The following KCNS1 variants were observed in gnomAD, a reference collection of about 807,000 sequenced individuals.
KCNS1 encodes delayed-rectifier potassium channel regulatory subunit KCNS1.
Under a neutral mutation model 33.1 loss-of-function variants are expected in KCNS1, and 26 were observed. The observed-to-expected ratio is 0.79, with a 90% CI of 0.58 to 1.09. The LOEUF is 1.09. Ranked by LOEUF, KCNS1 falls within the 50% of genes least tolerant of loss-of-function variation. The pLI, the probability that KCNS1 is intolerant of heterozygous loss-of-function variation, is 0.00. For missense variants in KCNS1, 702 were observed against 752.4 expected, an observed-to-expected ratio of 0.93 and a Z score of 0.78; for synonymous variants, 299 against 338.8, an observed-to-expected ratio of 0.88 and a Z score of 1.29.
At chr20:45,095,428 A>C in intron 3 of KCNS1, 88 bp from the exon 4 acceptor site, 1 of 1,235,720 alleles carries the variant, frequency 8.1e-7, no homozygotes, top group East Asian at 2.5e-5. Context: ...CCCAGAGAGT[A>C]TAAAGGACAG....
chr20:45,092,389 CACAA>C lies in KCNS1; in HGVS notation c.*2477_*2480del, dbSNP rs1368229061. 1 of 152,158 alleles carries C rather than the reference CACAA, an allele frequency of 6.6e-6. No individual in the cohort carries two copies. Among genetic ancestry groups the C allele is most frequent in the African/African-American group, 2.4e-5 (1 of 41,414 alleles). The allele number at this position is 152,158 out of a possible 1,614,324, so 9.4% of individuals were successfully genotyped here. ...CGAGTTGTTGCTTTTCTGCCAGGAC[CACAA>C]ACAGCCTCATGGTAGGCTCAGGCCA... On this transcript the variant is annotated 3_prime_UTR_variant, in exon 4 of 4. Coordinates refer to ENST00000537075, the MANE Select transcript of KCNS1 (RefSeq NM_001322799.2).
chr20:45,100,368 T>C (rs1981352971), intron 1 of KCNS1: 1 of 152,220 alleles, frequency 6.6e-6, no homozygotes, highest in Non-Finnish European at 1.5e-5. Context: ...CCACCTGCAT[T>C]TGGCATCAAA....
At chr20:45,095,683 A>G (rs376432137) in intron 3 of KCNS1, among the ~76,000 whole-genome samples, 28 of 152,370 alleles carry the variant, frequency 1.8e-4, no homozygotes, top group African/African-American at 6.3e-4. Flanking sequence ...ACCATAGTTT[A>G]TATTCCACAA....
Position 45,094,714 on chromosome 20 carries a change from G to T in KCNS1, c.*156C>A, listed in dbSNP as rs1020537320. 12 of 693,856 alleles carry T rather than the reference G, an allele frequency of 1.7e-5. No individual in the cohort carries two copies. In the Admixed American group the frequency reaches 2.8e-4, roughly 16 times the overall value. The allele number at this position is 693,856 out of a possible 1,614,324, so 43.0% of individuals were successfully genotyped here. A position where few individuals can be genotyped will look rare whatever the true frequency, so the allele number is the denominator to read the frequency against. Reference sequence around the variant, plus strand: ...ATCTCACAGAATCTAGGGTAGCACTGTCCTGTCCTGGGCCTTTGGAGGAAG... The same window carrying T: ...ATCTCACAGAATCTAGGGTAGCACTTTCCTGTCCTGGGCCTTTGGAGGAAG... On this transcript the variant is annotated 3_prime_UTR_variant, in exon 4 of 4. Coordinates refer to ENST00000537075, the MANE Select transcript of KCNS1 (RefSeq NM_001322799.2).
chr20:45,098,612 C>A lies in KCNS1; in HGVS notation c.160G>T (p.Val54Leu). The change falls in exon 3 of 4, where the codon GTG becomes TTG. Residue 54 changes from valine to leucine, a missense_variant. Physicochemically the swap from Val to Leu is conservative, Grantham distance 32 (BLOSUM62 1). Transcript: ENST00000537075. The surrounding 1 kb of genome is among the most constrained non-coding windows in gnomAD (Gnocchi z 5.2). ...RWRRSDEALR[V>L]NVGGVRRQLS... ...TGCCGCCGCACGCCACCCACGTTCA[C>A]GCGCAGCGCCTCGTCGCTTCGCCGC... The A allele has an allele frequency of 2.1e-6, 3 of 1,461,870 alleles. No individual in the cohort carries two copies. The highest frequency in any genetic ancestry group is 2.7e-6 in the Non-Finnish European group (3 of 1,107,476). The allele number at this position is 1,461,870 out of a possible 1,614,324, so 90.6% of individuals were successfully genotyped here.
rs563271280 is a variant in KCNS1 at position 45,095,815 on chromosome 20, G to T, written c.1111-475C>A. Among the ~76,000 whole-genome samples, 101 of 152,328 alleles carry T rather than the reference G, an allele frequency of 6.6e-4. No homozygotes were observed. In the Middle Eastern group the frequency reaches 0.014, roughly 21 times the overall value. On this transcript the variant is annotated intron_variant, in intron 3 of 3. Coordinates refer to ENST00000537075, the MANE Select transcript of KCNS1 (RefSeq NM_001322799.2). ...CCACCCACAGAATTCACTTTCCTAT[G>T]GCTGTGTATGTTTGCTTTGTCCCTG...
rs771233494 is a variant in KCNS1 at position 45,094,853 on chromosome 20, G to A, written c.*17C>T. On this transcript the variant is annotated 3_prime_UTR_variant, in exon 4 of 4. Coordinates refer to ENST00000537075, the MANE Select transcript of KCNS1 (RefSeq NM_001322799.2). Reference sequence around the variant, plus strand: ...CTCTACTGTAGGGGCATGGCAGGGGGTCACGGATCCCTGGTTTTAATACAT... The same window carrying A: ...CTCTACTGTAGGGGCATGGCAGGGGATCACGGATCCCTGGTTTTAATACAT... 6.3e-7 allele frequency: 1 copy of A among 1,585,558 alleles called. No homozygotes were observed. The highest frequency in any genetic ancestry group is 1.7e-5 in the Admixed American group (1 of 58,092).
In KCNS1 at chr20:45,091,306, CAAGA is replaced by C. The variant is rs143139727; in HGVS notation, c.*3560_*3563del. On this transcript the variant is annotated 3_prime_UTR_variant, in exon 4 of 4. Coordinates refer to ENST00000537075, the MANE Select transcript of KCNS1 (RefSeq NM_001322799.2). ...ACGGTACCTTGCCCTCCATCCCTCC[CAAGA>C]GAGAGGCATATGACTCAAGTGAAAT... Among the ~76,000 whole-genome samples, 113 of 152,300 alleles carry C rather than the reference CAAGA, an allele frequency of 7.4e-4. No individual in the cohort carries two copies. The highest frequency in any genetic ancestry group is 2.6e-3 in the African/African-American group (109 of 41,566).
chr20:45,097,731 C>T lies in KCNS1; in HGVS notation c.1041G>A (p.Met347Ile). The T allele has an allele frequency of 6.2e-7, 1 of 1,612,562 alleles. No homozygotes were observed. ...LGKVVQVFRL[M>I]RIFRVLKLAR... is the part of the protein sequence containing the mutation. The stretch of plus-strand genomic sequence containing the variant: ...CCAACTTGAGTACGCGGAAGATGCG[C>T]ATGAGGCGGAACACCTGCACCACCT... The change falls in exon 3 of 4, where the codon ATG becomes ATA. Residue 347 changes from methionine (M) to isoleucine (I), a missense_variant. Met to Ile is a conservative substitution (Grantham distance 10, BLOSUM62 1). This residue lies in a region of KCNS1 where 253 missense variants were observed against 327.4 expected (regional missense o/e 0.77). Coordinates refer to ENST00000537075, the MANE Select transcript of KCNS1 (RefSeq NM_001322799.2).
chr20:45,095,725 G>T (rs1057275350), intron 3 of KCNS1, among the ~76,000 whole-genome samples: 2 of 152,154 alleles, frequency 1.3e-5, no homozygotes, highest in South Asian at 4.2e-4. Flanking sequence ...ACTTTTGACT[G>T]GTCTGAAAAG....
intron 1 of KCNS1, among the ~76,000 whole-genome samples, chr20:45,100,530 A>G (rs1338719491): frequency 6.6e-6 from 1 of 152,230 alleles, no homozygotes; most frequent in African/African-American, 2.4e-5. Context: ...TCAGTAAGAA[A>G]GACCAAGTGA....
chr20:45,097,572 T>G (rs537332786), intron 3 of KCNS1, 90 bp downstream of exon 3: 2 of 1,311,868 alleles, frequency 1.5e-6, no homozygotes, highest in Non-Finnish European at 2.1e-6. Flanking sequence ...ACGTTAAGCC[T>G]GGACTCGGCA....
rs748892910 is a variant in KCNS1, at chr20:45,097,828, G to A, written c.944C>T (p.Pro315Leu). ...LNLIDIVSVLPFYLTLLAGVA... is the reference protein window; with the variant it reads ...LNLIDIVSVLLFYLTLLAGVA... ...ACCAGCCAGCAGCGTGAGATAGAAG[G>A]GCAGCACAGACACAATGTCGATGAG... The change falls in exon 3 of 4, where the codon CCC becomes CTC. Residue 315 changes from proline (P) to leucine (L), a missense_variant. By Grantham distance (98) the Pro-to-Leu change is moderately conservative (BLOSUM62 -3). Transcript: ENST00000537075. 6.2e-7 allele frequency: 1 copy of A among 1,613,788 alleles called. No homozygotes were observed. Among genetic ancestry groups the A allele is most frequent in the Non-Finnish European group, 8.5e-7 (1 of 1,179,990 alleles).
Position 45,097,717 on chromosome 20 carries a change from A to G in KCNS1, c.1055T>C (p.Val352Ala). ...QVFRLMRIFR[V>A]LKLARHSTGL... ...GGTGGAATGGCGCGCCAACTTGAGT[A>G]CGCGGAAGATGCGCATGAGGCGGAA... The change falls in exon 3 of 4, where the codon GTA becomes GCA. Residue 352 changes from valine to alanine, a missense_variant. By Grantham distance (64) the Val-to-Ala change is moderately conservative (BLOSUM62 0). This residue lies in a region of KCNS1 where 253 missense variants were observed against 327.4 expected (regional missense o/e 0.77). Transcript: ENST00000537075. 1 of 1,611,740 alleles carries G rather than the reference A, an allele frequency of 6.2e-7. No individual in the cohort carries two copies.
chr20:45,095,599 T>C (rs1981159960), intron 3 of KCNS1, among the ~76,000 whole-genome samples: 1 of 152,142 alleles, frequency 6.6e-6, no homozygotes, highest in Middle Eastern at 3.2e-3. Flanking sequence ...TTTTTCCAAC[T>C]CCGGGGTTAC....
At position 45,091,861 on chromosome 20, in the gene KCNS1, C is replaced by T. The variant is rs1981009372; in HGVS notation, c.*3009G>A. ...CTAGAAGAGAAAAGGAGAGGGTTTC[C>T]CCCTGGAGTCTCCAGAGGGAGGGTG... On this transcript the variant is annotated 3_prime_UTR_variant, in exon 4 of 4. Coordinates refer to ENST00000537075, the MANE Select transcript of KCNS1 (RefSeq NM_001322799.2). Among the ~76,000 whole-genome samples the T allele has an allele frequency of 6.6e-6, 1 of 152,114 alleles. No homozygotes were observed. The highest frequency in any genetic ancestry group is 2.1e-4 in the South Asian group (1 of 4,834).
chr20:45,097,390 T>A (rs1257228041), intron 3 of KCNS1, among the ~76,000 whole-genome samples: 2 of 152,248 alleles, frequency 1.3e-5, no homozygotes, highest in African/African-American at 4.8e-5. Context: ...TTGTCTTTTT[T>A]CTTCGTTTTG....
At chr20:45,099,110 G>C in intron 2 of KCNS1, 51 bp downstream of exon 2, 2 of 1,545,258 alleles carry the variant, frequency 1.3e-6, no homozygotes, top group Non-Finnish European at 1.7e-6. Flanking sequence ...TCTTGGGCCC[G>C]CCAGCCCTCT....
chr20:45,093,528 G>GGGTGAT lies in KCNS1; in HGVS notation c.*1336_*1341dup, dbSNP rs1981069849. 6.6e-6 allele frequency: 1 copy of GGGTGAT among 152,398 alleles called. No homozygotes were observed. The highest frequency in any genetic ancestry group is 1.5e-5 in the Non-Finnish European group (1 of 68,078). The allele number at this position is 152,398 out of a possible 1,614,324, so 9.4% of individuals were successfully genotyped here. On this transcript the variant is annotated 3_prime_UTR_variant, in exon 4 of 4. Coordinates refer to ENST00000537075, the MANE Select transcript of KCNS1 (RefSeq NM_001322799.2). ...ACAATGTCTTCCATCTTGAGGCTCA[G>GGGTGAT]GGTGATGGGACAGAGATAGCCACAG...
Sources: gnomAD v4.1 joint callset for allele counts (sites outside exome capture counted in the v4.1 genomes callset) on GRCh38, gnomAD v4.1.1 for gene constraint, gnomAD v4.1.1 regional missense constraint, Gnocchi (gnomAD v3.1) non-coding constraint, MANE v1.5 for transcripts, NCBI Gene and HGNC (gene_info 2026-07-23, HGNC 2026-07-21) for gene names.